The following TAF15 variants were observed in gnomAD, a reference collection of about 807,000 sequenced individuals.
TAF15 encodes the protein TATA-box binding protein associated factor 15.
In TAF15, 37 loss-of-function variants were observed where a neutral mutation model predicts 102.5. The ratio of observed to expected loss-of-function variants is 0.36; its 90% CI spans 0.28 to 0.47. TAF15 has a LOEUF of 0.47. Among genes scored for constraint, TAF15 ranks in the 20% least tolerant of loss-of-function variants. The pLI is 0.99. For synonymous variants in TAF15, 273 were observed against 259.2 expected (o/e 1.05, Z -0.51); for missense variants, 652 against 760.7 (o/e 0.86, Z 1.68).
At position 35,822,851 on chromosome 17, in the gene TAF15, CT is replaced by C; in HGVS notation, c.484+19del. ...CACACAAGGTAAGATTTACTGACCTCTATTATTATTTTTCCCCCTCTCAGAA... is the reference window on the plus strand; with the variant it reads ...CACACAAGGTAAGATTTACTGACCTCATTATTATTTTTCCCCCTCTCAGAA... On this transcript the variant is annotated intron_variant, in intron 6 of 15. Coordinates refer to ENST00000605844, the MANE Select transcript of TAF15 (RefSeq NM_139215.3). The C allele has an allele frequency of 1.2e-6, 2 of 1,612,450 alleles. No individual in the cohort carries two copies. Among genetic ancestry groups the C allele is most frequent in the Non-Finnish European group, 1.7e-6 (2 of 1,178,466 alleles).
At chr17:35,814,049 G>A (rs1004485594) in intron 1 of TAF15, among the ~76,000 whole-genome samples, 4 of 151,906 alleles carry the variant, frequency 2.6e-5, no homozygotes, top group African/African-American at 7.3e-5. Context: ...CTGACAACAG[G>A]TGCACACTGC....
At position 35,844,812 on chromosome 17, in the gene TAF15, C is replaced by G. The variant is rs776948802; in HGVS notation, c.1513C>G (p.Arg505Gly). Residue 505 changes from arginine (R) to glycine (G), a missense_variant, in exon 15 of 16, where the codon CGA becomes GGA. Around this residue, in one of 3 missense-constraint regions of TAF15, gnomAD observed 368 missense variants for 367.5 expected, o/e 1.00. Coordinates refer to ENST00000605844, the MANE Select transcript of TAF15 (RefSeq NM_139215.3). ...AGACCGAGGAGGCTATGGAGGAGAT[C>G]GAGGAGGTTACGGAGGAGATCGAGG... ...GGDRGGYGGD[R>G]GGYGGDRGGY... 6.3e-7 allele frequency: 1 copy of G among 1,585,340 alleles called. No individual in the cohort carries two copies. The highest frequency in any genetic ancestry group is 8.6e-7 in the Non-Finnish European group (1 of 1,163,468).
At chr17:35,838,613 G>A in intron 11 of TAF15, 60 bp downstream of exon 11, 1 of 1,610,358 alleles carries the variant, frequency 6.2e-7, no homozygotes. Flanking sequence ...TAGTCTGAAA[G>A]TGAGAATATG....
chr17:35,818,812 T>TC (rs1311324622), intron 2 of TAF15: 3 of 149,440 alleles, frequency 2.0e-5, no homozygotes, highest in African/African-American at 7.4e-5. Context: ...AGACCCTGTC[T>TC]CGAAAAAAAA....
At chr17:35,809,759 C>T (rs1347102744) in intron 1 of TAF15, 183 bp downstream of exon 1, 3 of 775,522 alleles carry the variant, frequency 3.9e-6, no homozygotes, top group African/African-American at 1.7e-5. Flanking sequence ...AATGGCTCCC[C>T]GGCTGCAAAT....
intron 11 of TAF15, 71 bp downstream of exon 11, chr17:35,838,624 C>G: frequency 3.7e-6 from 6 of 1,602,692 alleles, no homozygotes; most frequent in Non-Finnish European, 5.1e-6. Context: ...TGAGAATATG[C>G]TCTGGGTGAC....
At chr17:35,824,924 A>T (rs1487374311) in intron 7 of TAF15, among the ~76,000 whole-genome samples, 1 of 107,444 alleles carries the variant, frequency 9.3e-6, no homozygotes, top group African/African-American at 3.7e-5. Flanking sequence ...TTGACTGTAA[A>T]AAAAAAAAAA....
At chr17:35,838,746 A>G (rs1212769047) in intron 11 of TAF15, among the ~76,000 whole-genome samples, 193 bp downstream of exon 11, 2 of 152,204 alleles carry the variant, frequency 1.3e-5, no homozygotes, top group African/African-American at 2.4e-5. Context: ...ATATTTCGTT[A>G]TATCATGCCT....
intron 5 of TAF15, among the ~76,000 whole-genome samples, chr17:35,820,933 T>C (rs754702820): frequency 4.1e-4 from 63 of 152,196 alleles, no homozygotes; most frequent in Non-Finnish European, 8.1e-4. Flanking sequence ...TTTTTTACCT[T>C]TCAGATTTAA....
chr17:35,828,472 G>A (rs1304911291), intron 7 of TAF15, among the ~76,000 whole-genome samples: 1 of 152,114 alleles, frequency 6.6e-6, no homozygotes, highest in African/African-American at 2.4e-5. Context: ...GATGGCCTGC[G>A]CCTGTAATCC....
chr17:35,836,223 A>G lies in TAF15; in HGVS notation c.765A>G (p.Lys255=). The G allele has an allele frequency of 6.2e-7, 1 of 1,608,584 alleles. No homozygotes were observed. The highest frequency in any genetic ancestry group is 8.5e-7 in the Non-Finnish European group (1 of 1,175,122). ...VSTDQVGEFF[K]QIGIIKTNKK... The stretch of plus-strand genomic sequence containing the variant: ...CAGATCAAGTTGGGGAGTTCTTTAA[A>G]CAAATAGGAATTATCAAGGTGAGTA... Residue 255 remains lysine (K), a synonymous_variant, in exon 10 of 16, where the codon AAA becomes AAG. Coordinates refer to ENST00000605844, the MANE Select transcript of TAF15 (RefSeq NM_139215.3).
At chr17:35,832,433 T>C (rs1186230216) in intron 7 of TAF15, among the ~76,000 whole-genome samples, 1 of 152,148 alleles carries the variant, frequency 6.6e-6, no homozygotes, top group African/African-American at 2.4e-5. Flanking sequence ...TTTTACCTCA[T>C]AGTGAAATAG....
At chr17:35,816,394 GGAGGCT>G (rs774943300) in intron 1 of TAF15, among the ~76,000 whole-genome samples, 2 of 152,208 alleles carry the variant, frequency 1.3e-5, no homozygotes, top group Non-Finnish European at 2.9e-5. Context: ...CAGCTACGCA[GGAGGCT>G]GAGGCAGGAG....
At chr17:35,834,667 G>A in intron 9 of TAF15, 69 bp downstream of exon 9, 2 of 1,502,882 alleles carry the variant, frequency 1.3e-6, no homozygotes, top group East Asian at 4.6e-5. Flanking sequence ...TGGGAAAAGT[G>A]TGTGTTTGGA....
intron 15 of TAF15, among the ~76,000 whole-genome samples, chr17:35,845,766 C>T (rs1299772421): frequency 1.3e-5 from 2 of 152,126 alleles, no homozygotes; most frequent in Non-Finnish European, 2.9e-5. Context: ...GGATTACAGG[C>T]GTGAGCCACT....
chr17:35,833,989 T>C (rs1432423107), intron 8 of TAF15, 48 bp downstream of exon 8: 2 of 1,600,584 alleles, frequency 1.2e-6, no homozygotes, highest in South Asian at 2.2e-5. Flanking sequence ...GCTATATAAA[T>C]CTAAAAGCCA....
At chr17:35,833,339 G>T (rs905607249) in intron 7 of TAF15, among the ~76,000 whole-genome samples, 1 of 151,914 alleles carries the variant, frequency 6.6e-6, no homozygotes, top group African/African-American at 2.4e-5. Flanking sequence ...CTTTTATAAG[G>T]GTTTTGAATG....
At chr17:35,825,715 G>A (rs1281123475) in intron 7 of TAF15, among the ~76,000 whole-genome samples, 3 of 152,116 alleles carry the variant, frequency 2.0e-5, no homozygotes, top group African/African-American at 7.2e-5. Flanking sequence ...TTGGGAGGCC[G>A]AGGCGGGCGG....
chr17:35,819,967 A>AT, intron 2 of TAF15, 57 bp from the exon 3 acceptor site: 1 of 1,530,582 alleles, frequency 6.5e-7, no homozygotes, highest in Non-Finnish European at 9.0e-7. Context: ...CAAGGTCTTC[A>AT]TTTAAACTTT....
Sources: allele counts gnomAD v4.1 joint callset (sites outside exome capture counted in the v4.1 genomes callset), GRCh38; gene constraint gnomAD v4.1.1; regional missense constraint gnomAD v4.1.1; transcripts MANE v1.5; gene names NCBI Gene and HGNC (gene_info 2026-07-23, HGNC 2026-07-21).